Variants in ZC3H12C observed in about 807,000 individuals in gnomAD.
ZC3H12C encodes probable ribonuclease ZC3H12C.
A neutral mutation model predicts 76.3 loss-of-function variants in ZC3H12C; 20 were observed. The observed-to-expected ratio is 0.26, with a 90% CI of 0.18 to 0.38. The LOEUF (loss-of-function observed/expected upper bound fraction) is 0.38. ZC3H12C is among the 10% of genes least tolerant of loss of function. The pLI is 1.00. For missense variants in ZC3H12C, 874 were observed against 1,086.5 expected (o/e 0.80, Z 2.75); for synonymous variants, 352 against 399.6 (o/e 0.88, Z 1.42).
At chr11:110,096,686 T>C (rs1317258626) in intron 1 of ZC3H12C, among the ~76,000 whole-genome samples, 6 of 152,266 alleles carry the variant, frequency 3.9e-5, no homozygotes, top group Non-Finnish European at 8.8e-5. Flanking sequence ...TGTGTCATCA[T>C]GTATGTTGTT....
chr11:110,149,298 G>A (rs769964714), intron 2 of ZC3H12C, among the ~76,000 whole-genome samples: 3 of 152,150 alleles, frequency 2.0e-5, no homozygotes, highest in Non-Finnish European at 4.4e-5. Flanking sequence ...TTCCCTCGCC[G>A]TTTAAAAGAT....
rs1334685729 is a variant in ZC3H12C at position 110,150,336 on chromosome 11, C to T, written c.774-2583C>T. Among the ~76,000 whole-genome samples, 4 of 113,092 alleles carry T rather than the reference C, an allele frequency of 3.5e-5. No homozygotes were observed. The South Asian group carries it at 1.1e-3, about 31-fold the overall frequency. 74.2% of individuals were successfully genotyped at this position (113,092 alleles called of 152,430 possible). ...TTTTATTTAAGTCTTACCTTATGCC[C>T]TTTAATATAGGTTTTCAATTTCATT... is the stretch of plus-strand genomic sequence containing the variant. On this transcript the variant is annotated intron_variant, in intron 2 of 5. Transcript: ENST00000278590.
At position 110,170,777 on chromosome 11, in the gene ZC3H12C, A is replaced by G. The variant is rs895681294; in HGVS notation, c.*5040A>G. 6.6e-6 allele frequency: 1 copy of G among 152,248 alleles called. No individual in the cohort carries two copies. The highest frequency in any genetic ancestry group is 2.4e-5 in the African/African-American group (1 of 41,466). The allele number at this position is 152,248 out of a possible 1,614,324, so 9.4% of individuals were successfully genotyped here. On this transcript the variant is annotated 3_prime_UTR_variant, in exon 6 of 6. Transcript: ENST00000278590. ...ATAAGAACATTTAAACAGCATGAAC[A>G]TCATCATCCACTTAAATAGTTAAAC...
intron 1 of ZC3H12C, among the ~76,000 whole-genome samples, chr11:110,126,750 C>A (rs894611454): frequency 6.6e-6 from 1 of 152,064 alleles, no homozygotes; most frequent in African/African-American, 2.4e-5. Flanking sequence ...ATGCTACTTT[C>A]ATTGATTTTT....
At chr11:110,121,930 T>G (rs1203201195) in intron 1 of ZC3H12C, among the ~76,000 whole-genome samples, 2 of 152,218 alleles carry the variant, frequency 1.3e-5, no homozygotes, top group Non-Finnish European at 2.9e-5. Context: ...CACACTCTTA[T>G]GGACTCTTAA....
Position 110,136,807 on chromosome 11 carries a change from C to A in ZC3H12C, c.166C>A (p.Pro56Thr), listed in dbSNP as rs1861969923. Residue 56 changes from proline to threonine, a missense_variant, in exon 2 of 6, where the codon CCA (proline) becomes ACA (threonine). Physicochemically the swap from Pro to Thr is conservative, Grantham distance 38. Transcript: ENST00000278590. Reference sequence around the variant, plus strand: ...GGAGAGCACTGACCCACAGTTAAGTCCAGCTGTACCTTGGTCAACAGTAGA... The same window carrying A: ...GGAGAGCACTGACCCACAGTTAAGTACAGCTGTACCTTGGTCAACAGTAGA... ...YVESTDPQLS[P>T]AVPWSTVENP... The A allele has an allele frequency of 1.2e-6, 2 of 1,613,882 alleles. No homozygotes were observed. The highest frequency in any genetic ancestry group is 4.5e-5 in the East Asian group (2 of 44,864).
intron 4 of ZC3H12C, among the ~76,000 whole-genome samples, chr11:110,162,152 T>G (rs904114163): frequency 6.6e-6 from 1 of 152,024 alleles, no homozygotes; most frequent in Non-Finnish European, 1.5e-5. Flanking sequence ...AAAAAAAGGA[T>G]TATTATGAAG....
chr11:110,114,743 A>G (rs1861494185), intron 1 of ZC3H12C, among the ~76,000 whole-genome samples: 2 of 152,224 alleles, frequency 1.3e-5, no homozygotes, highest in South Asian at 4.1e-4. Flanking sequence ...GGTATTTTAT[A>G]TTTAAGTTAT....
Position 110,093,451 on chromosome 11 carries a change from G to T in ZC3H12C, c.21+19G>T, listed in dbSNP as rs1265413009. 1 of 1,205,296 alleles carries T rather than the reference G, an allele frequency of 8.3e-7. No homozygotes were observed. 74.7% of individuals were successfully genotyped at this position (1,205,296 alleles called of 1,614,324 possible). A position where few individuals can be genotyped will look rare whatever the true frequency, so the allele number is the denominator to read the frequency against. On this transcript the variant is annotated intron_variant, in intron 1 of 5. Coordinates refer to ENST00000278590, the MANE Select transcript of ZC3H12C (RefSeq NM_033390.2). The stretch of plus-strand genomic sequence containing the variant: ...CTCCCAGGTTTGTCCTCGGGAAGGG[G>T]GTGGGGGACGCGGACCGCGGCGAGA...
In ZC3H12C at chr11:110,165,161, C is replaced by A; in HGVS notation, c.2076C>A (p.His692Gln). 6.2e-7 allele frequency: 1 copy of A among 1,613,850 alleles called. No individual in the cohort carries two copies. The highest frequency in any genetic ancestry group is 8.5e-7 in the Non-Finnish European group (1 of 1,179,892). ...DPLTRGQSYS[H>Q]EEPKFHHKPP... ...TAACCAGAGGGCAAAGTTACAGTCA[C>A]GAAGAACCAAAGTTCCATCACAAGC... The change falls in exon 6 of 6, where the codon CAC becomes CAA. Residue 692 changes from histidine to glutamine, a missense_variant. By Grantham distance (24) the His-to-Gln change is conservative. Transcript: ENST00000278590.
rs746773394 is a variant in ZC3H12C, at chr11:110,166,000, T to C, written c.*263T>C. On this transcript the variant is annotated 3_prime_UTR_variant, in exon 6 of 6. Coordinates refer to ENST00000278590, the MANE Select transcript of ZC3H12C (RefSeq NM_033390.2). ...GGCTGGAAATTTTTCCAGTTTGATT[T>C]AATAGATGTATCTGTGATCTTTGAT... 7.3e-6 allele frequency: 3 copies of C among 408,800 alleles called. No individual in the cohort carries two copies. The East Asian group carries it at 1.3e-4, about 18-fold the overall frequency. 25.3% of individuals were successfully genotyped at this position (408,800 alleles called of 1,614,324 possible).
intron 1 of ZC3H12C, among the ~76,000 whole-genome samples, chr11:110,101,960 G>A (rs1861224852): frequency 1.3e-5 from 2 of 151,884 alleles, no homozygotes; most frequent in African/African-American, 2.4e-5. Flanking sequence ...TAAGCCCACT[G>A]TTGAGACTTA....
rs547229380 is a variant in ZC3H12C, at chr11:110,104,803, CAA to C, written c.21+11372_21+11373del. 2.0e-4 allele frequency among the ~76,000 whole-genome samples: 31 copies of C among 152,278 alleles called. No homozygotes were observed. In the South Asian group the frequency reaches 3.7e-3, roughly 18 times the overall value. The stretch of plus-strand genomic sequence containing the variant: ...AAGTGCTTGACACATAGAAGGCACT[CAA>C]TATTCTGAAATGATTTAGCAGTGTC... On this transcript the variant is annotated intron_variant, in intron 1 of 5. Transcript: ENST00000278590.
rs535202409 is a variant in ZC3H12C, at chr11:110,171,628, GGTTT to G, written c.*5896_*5899del. 165 of 152,118 alleles carry G rather than the reference GGTTT, an allele frequency of 1.1e-3. No individual in the cohort carries two copies. Among genetic ancestry groups the G allele is most frequent in the African/African-American group, 3.6e-3 (150 of 41,504 alleles). The allele number at this position is 152,118 out of a possible 1,614,324, so 9.4% of individuals were successfully genotyped here. On this transcript the variant is annotated 3_prime_UTR_variant, in exon 6 of 6. Transcript: ENST00000278590. ...ATTTTTAATTCGTTTTTCTTATGCT[GGTTT>G]GTTTTTCTTTAATGAAGAAATTGAT... is the stretch of plus-strand genomic sequence containing the variant.
chr11:110,145,411 C>G (rs1862145899), intron 2 of ZC3H12C, among the ~76,000 whole-genome samples: 1 of 152,184 alleles, frequency 6.6e-6, no homozygotes, highest in Non-Finnish European at 1.5e-5. Context: ...TCATTTAGCT[C>G]TCCTAATTTC....
At chr11:110,131,010 C>G in intron 1 of ZC3H12C, 1 of 1,535,018 alleles carries the variant, frequency 6.5e-7, no homozygotes, top group Non-Finnish European at 8.7e-7. Flanking sequence ...ATTCATTGTT[C>G]TTCTTGCCTG....
chr11:110,126,609 C>T (rs1411399382), intron 1 of ZC3H12C, among the ~76,000 whole-genome samples: 1 of 152,086 alleles, frequency 6.6e-6, no homozygotes, highest in Non-Finnish European at 1.5e-5. Context: ...TCTACCTTCC[C>T]CTCAGCCCCC....
At position 110,126,261 on chromosome 11, in the gene ZC3H12C, T is replaced by C. The variant is rs1263668807; in HGVS notation, c.22-10402T>C. On this transcript the variant is annotated intron_variant, in intron 1 of 5. Coordinates refer to ENST00000278590, the MANE Select transcript of ZC3H12C (RefSeq NM_033390.2). ...TTTTTTGAGATGAGGTCTCACTCTG[T>C]TGCCCAGGCTGGAGTGCAACTCCAG... Among the ~76,000 whole-genome samples, 3 of 148,282 alleles carry C rather than the reference T, an allele frequency of 2.0e-5. No individual in the cohort carries two copies. The East Asian group carries it at 5.9e-4, about 29-fold the overall frequency.
chr11:110,115,031 A>G (rs895206176), intron 1 of ZC3H12C, among the ~76,000 whole-genome samples: 1 of 152,290 alleles, frequency 6.6e-6, no homozygotes, highest in African/African-American at 2.4e-5. Flanking sequence ...TTTATTTTAT[A>G]ATAATTTTTC....
Sources: gnomAD v4.1 joint callset for allele counts (sites outside exome capture counted in the v4.1 genomes callset) on GRCh38, gnomAD v4.1.1 for gene constraint, MANE v1.5 for transcripts, NCBI Gene and HGNC (gene_info 2026-07-23, HGNC 2026-07-21) for gene names.